PLPPR1: variants seen among roughly 807,000 people sequenced by gnomAD.
PLPPR1 encodes phospholipid phosphatase related 1, also known as phospholipid phosphatase-related protein type 1.
PLPPR1 carries 10 observed loss-of-function variants against 33.1 expected under a neutral mutation model. That is an observed-to-expected ratio of 0.30 (90% CI 0.19 to 0.51). PLPPR1 has a LOEUF of 0.51. Ranked by LOEUF, PLPPR1 falls within the 20% of genes least tolerant of loss-of-function variation. The pLI, the probability that PLPPR1 is intolerant of heterozygous loss-of-function variation, is 0.97. For missense variants in PLPPR1, 304 were observed against 408.1 expected (o/e 0.74, Z 2.20); for synonymous variants, 151 against 151.0 (o/e 1.00, Z 0.00).
Position 101,125,655 on chromosome 9 carries a change from C to A in PLPPR1, c.-45-59795C>A, listed in dbSNP as rs888610948. On this transcript the variant is annotated intron_variant, in intron 1 of 7. Coordinates refer to ENST00000374874, the MANE Select transcript of PLPPR1 (RefSeq NM_207299.2). ...TCCTGGAATAAGTTGTTGATCATGG[C>A]AATTCACATATTTAGCAAAACAATG... The A allele has an allele frequency of 1.4e-5, 8 of 591,116 alleles. No individual in the cohort carries two copies. In the African/African-American group the frequency reaches 1.5e-4, roughly 11 times the overall value. 36.6% of individuals were successfully genotyped at this position (591,116 alleles called of 1,614,324 possible).
At chr9:101,294,685 G>A (rs1828586906) in intron 4 of PLPPR1, among the ~76,000 whole-genome samples, 1 of 152,098 alleles carries the variant, frequency 6.6e-6, no homozygotes, top group Admixed American at 6.5e-5. Flanking sequence ...CATATAAACA[G>A]AACCAAAGAC....
chr9:101,271,416 G>A (rs975661120), intron 3 of PLPPR1, among the ~76,000 whole-genome samples: 2 of 152,128 alleles, frequency 1.3e-5, no homozygotes, highest in Non-Finnish European at 2.9e-5. Context: ...TGGAATCACA[G>A]ACCAACTTCC....
chr9:101,059,733 C>G (rs918824761), intron 1 of PLPPR1, among the ~76,000 whole-genome samples: 11 of 152,016 alleles, frequency 7.2e-5, no homozygotes, highest in African/African-American at 2.7e-4. Context: ...TATCACTGAT[C>G]AGCAAAGCAA....
At chr9:101,045,665 G>A (rs1001500842) in intron 1 of PLPPR1, among the ~76,000 whole-genome samples, 3 of 152,234 alleles carry the variant, frequency 2.0e-5, no homozygotes, top group African/African-American at 7.2e-5. Flanking sequence ...TGTTTGAAGA[G>A]TTTTTAATAT....
chr9:101,208,311 T>TA (rs11444384), intron 2 of PLPPR1, among the ~76,000 whole-genome samples: 148,069 of 152,282 alleles, frequency 0.97, 72,018 homozygotes, highest in East Asian at 1. Context: ...ACACAGTGAT[T>TA]AAAGTCCTCT....
chr9:101,112,216 T>G (rs1305101426), intron 1 of PLPPR1, among the ~76,000 whole-genome samples: 1 of 152,236 alleles, frequency 6.6e-6, no homozygotes, highest in East Asian at 1.9e-4. Flanking sequence ...TGAAGACAAC[T>G]TTCAGATTCT....
chr9:101,153,858 C>T (rs1455569886), intron 1 of PLPPR1, among the ~76,000 whole-genome samples: 1 of 152,046 alleles, frequency 6.6e-6, no homozygotes, highest in Non-Finnish European at 1.5e-5. Flanking sequence ...GCTGGGACTA[C>T]AGGCGTGAGC....
At chr9:101,114,928 T>G (rs890897585) in intron 1 of PLPPR1, among the ~76,000 whole-genome samples, 3 of 152,192 alleles carry the variant, frequency 2.0e-5, no homozygotes, top group Non-Finnish European at 2.9e-5. Context: ...GATGAACTTA[T>G]TCAGTACCTT....
chr9:101,237,836 T>TATATAG (rs370193024), intron 2 of PLPPR1, among the ~76,000 whole-genome samples: 1,743 of 129,858 alleles, frequency 0.013, 43 homozygotes, highest in African/African-American at 0.03. Flanking sequence ...TATATATATA[T>TATATAG]GCTATATATG....
chr9:101,137,886 C>G (rs1312586299), intron 1 of PLPPR1, among the ~76,000 whole-genome samples: 1 of 152,150 alleles, frequency 6.6e-6, no homozygotes, highest in African/African-American at 2.4e-5. Context: ...AATGAACAGA[C>G]AGGTTCAAGT....
At chr9:101,166,756 T>C (rs924741134) in intron 1 of PLPPR1, among the ~76,000 whole-genome samples, 3 of 152,130 alleles carry the variant, frequency 2.0e-5, no homozygotes, top group African/African-American at 7.2e-5. Flanking sequence ...TCAAGGAGAT[T>C]AATGAGCAAA....
At chr9:101,174,726 A>C (rs1825994396) in intron 1 of PLPPR1, among the ~76,000 whole-genome samples, 1 of 152,208 alleles carries the variant, frequency 6.6e-6, no homozygotes, top group South Asian at 2.1e-4. Context: ...AAGAGGAAAG[A>C]AATTATGTAG....
At chr9:101,174,232 G>T (rs144302728) in intron 1 of PLPPR1, among the ~76,000 whole-genome samples, 3 of 152,150 alleles carry the variant, frequency 2.0e-5, no homozygotes, top group Admixed American at 1.3e-4. Context: ...GGCTTACTTC[G>T]AAGGGTACAA....
chr9:101,059,264 G>A (rs1418087759), intron 1 of PLPPR1, among the ~76,000 whole-genome samples: 2 of 152,162 alleles, frequency 1.3e-5, no homozygotes, highest in Non-Finnish European at 2.9e-5. Flanking sequence ...TCAAGAAGGA[G>A]CACTCCAAAA....
intron 1 of PLPPR1, among the ~76,000 whole-genome samples, chr9:101,170,103 C>T (rs545979498): frequency 5.9e-5 from 9 of 151,916 alleles, no homozygotes; most frequent in Non-Finnish European, 1.2e-4. Context: ...TTACTGTGTA[C>T]CTACTATGTG....
chr9:101,099,588 C>A (rs975553267), intron 1 of PLPPR1, among the ~76,000 whole-genome samples: 1 of 152,130 alleles, frequency 6.6e-6, no homozygotes, highest in South Asian at 2.1e-4. Context: ...CCCTTTGCAT[C>A]ATTCCCTAGA....
At chr9:101,254,660 CTGAA>C (rs1279163087) in intron 2 of PLPPR1, among the ~76,000 whole-genome samples, 8 of 152,178 alleles carry the variant, frequency 5.3e-5, no homozygotes, top group East Asian at 1.9e-4. Flanking sequence ...AATATAAGGA[CTGAA>C]TGAATGTGTG....
intron 1 of PLPPR1, among the ~76,000 whole-genome samples, chr9:101,095,921 A>C (rs1830811494): frequency 6.6e-6 from 1 of 152,204 alleles, no homozygotes; most frequent in Non-Finnish European, 1.5e-5. Context: ...CAATTGTAAC[A>C]TCATGAAGTA....
chr9:101,114,834 T>C (rs992317887), intron 1 of PLPPR1, among the ~76,000 whole-genome samples: 6 of 152,184 alleles, frequency 3.9e-5, no homozygotes, highest in Admixed American at 2.0e-4. Flanking sequence ...CCAGCACTCC[T>C]TAAAAGCACA....
Sources: gnomAD v4.1 joint callset for allele counts (sites outside exome capture counted in the v4.1 genomes callset) on GRCh38, gnomAD v4.1.1 for gene constraint, MANE v1.5 for transcripts, NCBI Gene and HGNC (gene_info 2026-07-23, HGNC 2026-07-21) for gene names.